Variants in TCF7L2 observed in about 807,000 individuals in gnomAD.
TCF7L2 encodes the protein transcription factor 7-like 2.
Under a neutral mutation model 77.9 loss-of-function variants are expected in TCF7L2, and 23 were observed. That is an observed-to-expected ratio of 0.30 (90% CI 0.21 to 0.42). The LOEUF is 0.42. TCF7L2 is among the 10% of genes least tolerant of loss of function. The pLI is 1.00. For missense variants in TCF7L2, 654 were observed against 793.1 expected (o/e 0.82, Z 2.11); for synonymous variants, 413 against 340.2 (o/e 1.21, Z -2.36).
chr10:113,152,224 C>T, intron 10 of TCF7L2, 109 bp from the exon 11 acceptor site: 1 of 1,032,854 alleles, frequency 9.7e-7, no homozygotes, highest in Non-Finnish European at 1.5e-6. Context: ...ACGGACTCAC[C>T]CAAAAAGGCA....
In TCF7L2 at chr10:112,950,867, A is replaced by C. The variant is rs781224903; in HGVS notation, c.111A>C (p.Ala37=). The C allele has an allele frequency of 1.2e-6, 2 of 1,611,778 alleles. No individual in the cohort carries two copies. The highest frequency in any genetic ancestry group is 1.7e-6 in the Non-Finnish European group (2 of 1,179,156). The stretch of plus-strand genomic sequence containing the variant: ...AGAAGAGCTCCGAAAACTCCTCGGC[A>C]GAGAGGGATTTAGCTGATGTCAAAT... Residue 37 remains alanine (A), a synonymous_variant, in exon 1 of 14, where the codon GCA becomes GCC. Coordinates refer to ENST00000627217, the MANE Select transcript of TCF7L2 (RefSeq NM_001146274.2).
intron 3 of TCF7L2, among the ~76,000 whole-genome samples, chr10:112,956,035 G>A (rs2033482865): frequency 6.6e-6 from 1 of 151,924 alleles, no homozygotes; most frequent in African/African-American, 2.4e-5. Flanking sequence ...CACGTGCAGT[G>A]GGTAAACTAG....
intron 5 of TCF7L2, among the ~76,000 whole-genome samples, chr10:113,049,609 A>T (rs577089927): frequency 6.6e-6 from 1 of 152,128 alleles, no homozygotes; most frequent in Non-Finnish European, 1.5e-5. Context: ...ACAGCCTATC[A>T]TCTATCTCTG....
intron 5 of TCF7L2, among the ~76,000 whole-genome samples, chr10:113,086,999 CA>C (rs2059906713): frequency 6.7e-6 from 1 of 150,366 alleles, no homozygotes; most frequent in African/African-American, 2.5e-5. Flanking sequence ...AGGCCACACA[CA>C]CACAAGAAAA....
chr10:113,143,280 C>A (rs1014498805), intron 6 of TCF7L2, among the ~76,000 whole-genome samples: 1 of 152,262 alleles, frequency 6.6e-6, no homozygotes, highest in Non-Finnish European at 1.5e-5. Flanking sequence ...ACTCTGTCCT[C>A]TAGCGGATGA....
At chr10:113,108,444 GT>G (rs1464715443) in intron 5 of TCF7L2, among the ~76,000 whole-genome samples, 1 of 152,036 alleles carries the variant, frequency 6.6e-6, no homozygotes, top group African/African-American at 2.4e-5. Context: ...TGGGGCCATT[GT>G]GGGGGGGAGG....
intron 4 of TCF7L2, among the ~76,000 whole-genome samples, chr10:112,974,543 A>C (rs1420986829): frequency 2.0e-5 from 3 of 152,008 alleles, no homozygotes; most frequent in Non-Finnish European, 4.4e-5. Context: ...TCCTGAGTTC[A>C]AGCAATTCTC....
chr10:113,158,165 G>A, intron 12 of TCF7L2, 96 bp downstream of exon 12: 5 of 1,351,482 alleles, frequency 3.7e-6, no homozygotes, highest in Non-Finnish European at 5.1e-6. Flanking sequence ...AGAAATTCAA[G>A]GCCAGGACAT....
At chr10:113,097,805 A>C (rs2061204613) in intron 5 of TCF7L2, among the ~76,000 whole-genome samples, 1 of 151,470 alleles carries the variant, frequency 6.6e-6, no homozygotes, top group African/African-American at 2.4e-5. Context: ...TAATCCTAGC[A>C]CTTTGGGAGG....
chr10:113,150,320 C>CTTTTTTTTTTTTTTTT (rs57919765), intron 8 of TCF7L2, among the ~76,000 whole-genome samples: 1 of 144,560 alleles, frequency 6.9e-6, no homozygotes. Context: ...CTTTCCTTTC[C>CTTTTTTTTTTTTTTTT]TTTTTTTTTT....
At chr10:113,152,637 T>C (rs2071003103) in intron 11 of TCF7L2, among the ~76,000 whole-genome samples, 197 bp downstream of exon 11, 1 of 152,166 alleles carries the variant, frequency 6.6e-6, no homozygotes, top group Admixed American at 6.5e-5. Flanking sequence ...TTGGATCAGC[T>C]CACAGTCATT....
chr10:113,126,529 TG>T, intron 5 of TCF7L2: 1 of 981,560 alleles, frequency 1.0e-6, no homozygotes, highest in Non-Finnish European at 1.2e-6. Flanking sequence ...TGCCGGGGTT[TG>T]GGGGAAAAAA....
intron 4 of TCF7L2, among the ~76,000 whole-genome samples, chr10:113,029,175 C>CT (rs1439435224): frequency 3.9e-5 from 6 of 152,256 alleles, no homozygotes; most frequent in Non-Finnish European, 5.9e-5. Flanking sequence ...AGAATGGACT[C>CT]TAAGATTCAG....
intron 5 of TCF7L2, among the ~76,000 whole-genome samples, chr10:113,128,616 C>T (rs929176767): frequency 6.6e-6 from 1 of 152,122 alleles, no homozygotes; most frequent in African/African-American, 2.4e-5. Flanking sequence ...GCATGCAAAT[C>T]GGAGTTGTGT....
intron 5 of TCF7L2, among the ~76,000 whole-genome samples, chr10:113,046,182 C>G (rs1249442345): frequency 6.6e-6 from 1 of 152,136 alleles, no homozygotes; most frequent in African/African-American, 2.4e-5. Context: ...GGTTTGGGTT[C>G]ATGGTGTGGC....
At chr10:113,032,899 A>C (rs1255304434) in intron 4 of TCF7L2, among the ~76,000 whole-genome samples, 1 of 152,222 alleles carries the variant, frequency 6.6e-6, no homozygotes, top group African/African-American at 2.4e-5. Flanking sequence ...AAAAATATTT[A>C]TGAGAAAAAG....
intron 3 of TCF7L2, among the ~76,000 whole-genome samples, chr10:112,957,190 CTTTTTTTTTTTT>C (rs35054285): frequency 3.3e-5 from 2 of 60,650 alleles, no homozygotes; most frequent in African/African-American, 1.4e-4. Context: ...ACACCCCCAC[CTTTTTTTTTTTT>C]TTTTTTTTTT....
At chr10:113,144,063 T>G (rs1381566055) in intron 7 of TCF7L2, 38 bp downstream of exon 7, 1 of 1,503,098 alleles carries the variant, frequency 6.7e-7, no homozygotes. Context: ...TTTTGTTTCT[T>G]ACATGGGCAT....
At chr10:113,088,510 T>A (rs1438692924) in intron 5 of TCF7L2, among the ~76,000 whole-genome samples, 1 of 152,168 alleles carries the variant, frequency 6.6e-6, no homozygotes, top group Non-Finnish European at 1.5e-5. Flanking sequence ...CTGTAGCAGC[T>A]ATTGTGATAG....
Sources: gnomAD v4.1 joint callset for allele counts (sites outside exome capture counted in the v4.1 genomes callset) on GRCh38, gnomAD v4.1.1 for gene constraint, MANE v1.5 for transcripts, NCBI Gene and HGNC (gene_info 2026-07-23, HGNC 2026-07-21) for gene names.